The following GPM6A variants were observed in gnomAD, a reference collection of about 807,000 sequenced individuals.
GPM6A encodes the protein glycoprotein M6A.
Under a neutral mutation model 32.1 loss-of-function variants are expected in GPM6A, and 7 were observed. The observed-to-expected ratio is 0.22, with a 90% CI of 0.12 to 0.41. GPM6A has a LOEUF of 0.41. Ranked by LOEUF, GPM6A falls within the 10% of genes least tolerant of loss-of-function variation. GPM6A has a pLI of 1.00. For synonymous variants in GPM6A, 130 were observed against 123.4 expected, an observed-to-expected ratio of 1.05 and a Z score of -0.35; for missense variants, 235 against 347.2, an observed-to-expected ratio of 0.68 and a Z score of 2.57.
At chr4:175,726,857 G>A (rs1283324064) in intron 1 of GPM6A, among the ~76,000 whole-genome samples, 1 of 152,078 alleles carries the variant, frequency 6.6e-6, no homozygotes, top group Non-Finnish European at 1.5e-5. Flanking sequence ...TTAGCCGGGT[G>A]TGTTGATGTG....
chr4:175,755,426 AAGC>A lies in GPM6A; in HGVS notation c.38-53662_38-53660del, dbSNP rs1732489779. Among the ~76,000 whole-genome samples the A allele has an allele frequency of 2.0e-5, 3 of 152,166 alleles. No individual in the cohort carries two copies. In the South Asian group the frequency reaches 6.2e-4, roughly 32 times the overall value. On this transcript the variant is annotated intron_variant, in intron 1 of 6. Transcript: ENST00000393658. The stretch of plus-strand genomic sequence containing the variant: ...TAAAATTTACCTTATAGCTTTCAAG[AAGC>A]AAAAGAGATTTTTCAATTCTAAAAT...
chr4:175,963,933 T>C (rs962444300), intron 1 of GPM6A, among the ~76,000 whole-genome samples: 7 of 151,974 alleles, frequency 4.6e-5, no homozygotes, highest in African/African-American at 1.7e-4. Context: ...TGGTAGAGTG[T>C]CTTCTGAAAA....
chr4:175,856,786 C>T (rs141509803), intron 1 of GPM6A, among the ~76,000 whole-genome samples: 2 of 152,272 alleles, frequency 1.3e-5, no homozygotes, highest in Non-Finnish European at 2.9e-5. Context: ...TCAGATGCTT[C>T]TTCTCTTCTC....
rs1223544010 is a variant in GPM6A, at chr4:176,002,170, G to C, written c.-23+139C>G. The C allele has an allele frequency of 5.3e-6, 5 of 941,906 alleles. No homozygotes were observed. The South Asian group carries it at 7.0e-5, about 13-fold the overall frequency. The allele number at this position is 941,906 out of a possible 1,614,324, so 58.3% of individuals were successfully genotyped here. ...AAGTCCGGAGACAAGAGGGCGGGGGGCGGGGGACGCCAGGCGCGGGGGGAA... is the reference window on the plus strand; with the variant it reads ...AAGTCCGGAGACAAGAGGGCGGGGGCCGGGGGACGCCAGGCGCGGGGGGAA... On this transcript the variant is annotated intron_variant, in intron 1 of 7. Transcript: ENST00000280187.
At chr4:175,812,057 G>T in intron 1 of GPM6A, 134 bp downstream of exon 1, 1 of 664,820 alleles carries the variant, frequency 1.5e-6, no homozygotes, top group Non-Finnish European at 2.6e-6. Flanking sequence ...GTGAGGAACA[G>T]ACTAAAGGAG....
chr4:175,896,407 G>C (rs1305762289), intron 1 of GPM6A, among the ~76,000 whole-genome samples: 1 of 152,060 alleles, frequency 6.6e-6, no homozygotes, highest in African/African-American at 2.4e-5. Flanking sequence ...CCTGCTCGGG[G>C]AGGTGCCTGG....
chr4:175,796,474 C>T (rs192031417), intron 1 of GPM6A, among the ~76,000 whole-genome samples: 2 of 152,216 alleles, frequency 1.3e-5, no homozygotes, highest in Admixed American at 6.5e-5. Flanking sequence ...AATTAAGTCT[C>T]TTGATCAGAA....
In GPM6A at chr4:175,668,992, G is replaced by A. The variant is rs951849877; in HGVS notation, c.387+4688C>T. Among the ~76,000 whole-genome samples, 11 of 152,094 alleles carry A rather than the reference G, an allele frequency of 7.2e-5. No homozygotes were observed. In the East Asian group the frequency reaches 1.9e-3, roughly 27 times the overall value. Reference sequence around the variant, plus strand: ...CAAATCTGGCTTCATCACCCACCATGTACCCCAGGCAAGTCAGTCATCCTC... The same window carrying A: ...CAAATCTGGCTTCATCACCCACCATATACCCCAGGCAAGTCAGTCATCCTC... On this transcript the variant is annotated intron_variant, in intron 3 of 6. Transcript: ENST00000393658.
chr4:175,755,461 C>T (rs1732490473), intron 1 of GPM6A, among the ~76,000 whole-genome samples: 1 of 152,090 alleles, frequency 6.6e-6, no homozygotes, highest in Admixed American at 6.6e-5. Context: ...AAATGAATCT[C>T]TGTAATCATG....
chr4:175,689,246 T>A (rs1472219070), intron 2 of GPM6A, among the ~76,000 whole-genome samples: 1 of 152,238 alleles, frequency 6.6e-6, no homozygotes, highest in Non-Finnish European at 1.5e-5. Flanking sequence ...CTGCAAAATA[T>A]ACCATTGTGA....
At chr4:175,855,932 G>T (rs996371093) in intron 1 of GPM6A, among the ~76,000 whole-genome samples, 1 of 152,210 alleles carries the variant, frequency 6.6e-6, no homozygotes, top group African/African-American at 2.4e-5. Flanking sequence ...ACAGGAGCAC[G>T]TAAGAGCCTA....
At position 175,657,976 on chromosome 4, in the gene GPM6A, A is replaced by C. The variant is rs1348970003; in HGVS notation, c.388-5989T>G. Among the ~76,000 whole-genome samples, 3 of 152,246 alleles carry C rather than the reference A, an allele frequency of 2.0e-5. No individual in the cohort carries two copies. The East Asian group carries it at 5.8e-4, about 29-fold the overall frequency. ...CTGGAAATTACACAGTGTATAGCTT[A>C]ATGCAGAGAAAATTACTAAATCATT... On this transcript the variant is annotated intron_variant, in intron 3 of 6. Coordinates refer to ENST00000393658, the MANE Select transcript of GPM6A (RefSeq NM_201591.3).
At chr4:175,650,467 G>A (rs1412061918) in intron 4 of GPM6A, among the ~76,000 whole-genome samples, 1 of 151,860 alleles carries the variant, frequency 6.6e-6, no homozygotes, top group Non-Finnish European at 1.5e-5. Flanking sequence ...ACCATGCCTG[G>A]CTAATTTTTT....
At chr4:175,767,636 A>G (rs1391088657) in intron 1 of GPM6A, among the ~76,000 whole-genome samples, 1 of 152,256 alleles carries the variant, frequency 6.6e-6, no homozygotes, top group Non-Finnish European at 1.5e-5. Flanking sequence ...ATCTAATAAA[A>G]TATGTGGCTG....
At chr4:175,787,317 A>G in intron 1 of GPM6A, 1 of 1,474,044 alleles carries the variant, frequency 6.8e-7, no homozygotes, top group Non-Finnish European at 9.2e-7. Context: ...ACTCCCACCA[A>G]AGTCACCCTT....
chr4:175,957,605 G>A (rs935131437), intron 1 of GPM6A, among the ~76,000 whole-genome samples: 2 of 152,058 alleles, frequency 1.3e-5, no homozygotes, highest in Admixed American at 6.6e-5. Flanking sequence ...GGAGAAATAC[G>A]TAATGTAGAT....
chr4:175,947,322 G>C (rs578262229), intron 1 of GPM6A, among the ~76,000 whole-genome samples: 4 of 151,670 alleles, frequency 2.6e-5, no homozygotes, highest in Non-Finnish European at 5.9e-5. Flanking sequence ...ACCACTAGAG[G>C]GAAAACTTCG....
At chr4:175,801,291 C>T (rs1045695779) in intron 1 of GPM6A, among the ~76,000 whole-genome samples, 12 of 151,808 alleles carry the variant, frequency 7.9e-5, no homozygotes, top group East Asian at 1.9e-4. Flanking sequence ...ATCAGGATCA[C>T]GTTAAAAACT....
intron 1 of GPM6A, among the ~76,000 whole-genome samples, chr4:175,922,333 G>GATTTTTAA (rs1738696275): frequency 6.6e-6 from 1 of 152,098 alleles, no homozygotes. Flanking sequence ...TCAGCAATCA[G>GATTTTTAA]TCCACATTAA....
Sources: allele counts gnomAD v4.1 joint callset (sites outside exome capture counted in the v4.1 genomes callset), GRCh38; gene constraint gnomAD v4.1.1; transcripts MANE v1.5; gene names NCBI Gene and HGNC (gene_info 2026-07-23, HGNC 2026-07-21).